Variants in DCDC2C observed in about 807,000 individuals in gnomAD.
The protein encoded by DCDC2C is doublecortin domain-containing protein 2C.
In DCDC2C, 44 loss-of-function variants were observed where a neutral mutation model predicts 45.0. The observed-to-expected ratio is 0.98, with a 90% CI of 0.77 to 1.26. The LOEUF is 1.26. Ranked by LOEUF, DCDC2C falls within the 50% of genes most tolerant of loss-of-function variation. The pLI is 0.00. For synonymous variants in DCDC2C, 187 were observed against 178.8 expected (o/e 1.05, Z -0.37); for missense variants, 447 against 468.9 (o/e 0.95, Z 0.43).
intron 4 of DCDC2C, among the ~76,000 whole-genome samples, chr2:3,745,216 C>T (rs1197680742): frequency 6.6e-6 from 1 of 152,120 alleles, no homozygotes; most frequent in African/African-American, 2.4e-5. Context: ...GAACTCCTGA[C>T]CTCAGGTGAT....
intron 10 of DCDC2C, among the ~76,000 whole-genome samples, chr2:3,804,300 A>C (rs1572630603): frequency 6.6e-6 from 1 of 152,206 alleles, no homozygotes; most frequent in East Asian, 1.9e-4. Flanking sequence ...CTCTATTTTT[A>C]GAAAAGAGCT....
At chr2:3,760,597 A>G (rs1401429397) in intron 6 of DCDC2C, among the ~76,000 whole-genome samples, 1 of 152,130 alleles carries the variant, frequency 6.6e-6, no homozygotes, top group East Asian at 1.9e-4. Context: ...CAAACACCAC[A>G]TGTTCTCACT....
At chr2:3,798,714 C>G (rs574450549) in intron 10 of DCDC2C, among the ~76,000 whole-genome samples, 132 of 150,310 alleles carry the variant, frequency 8.8e-4, no homozygotes, top group African/African-American at 3.2e-3. Context: ...TCTCTTCTGG[C>G]TTGTAGAGTT....
At chr2:3,742,993 G>GA (rs1669260277) in intron 4 of DCDC2C, among the ~76,000 whole-genome samples, 1 of 152,214 alleles carries the variant, frequency 6.6e-6, no homozygotes, top group Admixed American at 6.5e-5. Flanking sequence ...TGGTGGCTGT[G>GA]AAGATAATCT....
intron 6 of DCDC2C, among the ~76,000 whole-genome samples, chr2:3,757,636 A>C (rs1057474158): frequency 1.3e-5 from 2 of 152,180 alleles, no homozygotes; most frequent in Admixed American, 6.5e-5. Flanking sequence ...CATGCTAAGC[A>C]CACTCCGCTA....
At chr2:3,741,698 C>CCCCCCCCCCCG (rs1160807768) in intron 3 of DCDC2C, among the ~76,000 whole-genome samples, 1 of 151,820 alleles carries the variant, frequency 6.6e-6, no homozygotes, top group African/African-American at 2.4e-5. Context: ...CACACATACA[C>CCCCCCCCCCCG]ACACACACAT....
At chr2:3,847,012 T>TGCC in intron 10 of DCDC2C, 142 bp from the exon 11 acceptor site, 2 of 343,816 alleles carry the variant, frequency 5.8e-6, no homozygotes, top group Non-Finnish European at 1.0e-5. Flanking sequence ...AGGTCCCAGG[T>TGCC]CCCACCCCAC....
At chr2:3,817,649 T>C (rs1049298275) in intron 10 of DCDC2C, among the ~76,000 whole-genome samples, 8 of 152,210 alleles carry the variant, frequency 5.3e-5, no homozygotes, top group African/African-American at 1.9e-4. Context: ...TTAAGTTGTT[T>C]GGACAGAAAG....
rs774262991 is a variant in DCDC2C, at chr2:3,742,044, C to T, written c.541C>T (p.Arg181Trp). ...GEKVFPLGGV[R>W]KLFTMNGHLL... The stretch of plus-strand genomic sequence containing the variant: ...AAAAGTCTTCCCTCTAGGAGGCGTT[C>T]GGAAGTAAGGAGACTCTCGCCTTTA... The change falls in exon 4 of 11, where the codon CGG becomes TGG. Residue 181 changes from arginine to tryptophan, a missense_variant. Physicochemically the swap from Arg to Trp is moderately radical, Grantham distance 101 (BLOSUM62 -3). Coordinates refer to ENST00000399143, the MANE Select transcript of DCDC2C (RefSeq NM_001287444.2). 40 of 1,539,780 alleles carry T rather than the reference C, an allele frequency of 2.6e-5. No homozygotes were observed. The highest frequency in any genetic ancestry group is 2.6e-5 in the Non-Finnish European group (30 of 1,142,848).
chr2:3,750,552 A>G (rs1358305223), intron 4 of DCDC2C, among the ~76,000 whole-genome samples: 1 of 151,970 alleles, frequency 6.6e-6, no homozygotes, highest in Non-Finnish European at 1.5e-5. Context: ...CTAGATTTTG[A>G]AAATATCACC....
chr2:3,764,572 G>T (rs1317561936), intron 6 of DCDC2C, among the ~76,000 whole-genome samples: 2 of 152,232 alleles, frequency 1.3e-5, no homozygotes, highest in African/African-American at 4.8e-5. Flanking sequence ...GGTGTGCCAT[G>T]ATTGTGAGAC....
intron 10 of DCDC2C, among the ~76,000 whole-genome samples, chr2:3,829,284 CTTT>C (rs5828893): frequency 1.0e-4 from 13 of 129,564 alleles, no homozygotes; most frequent in Admixed American, 1.5e-4. Flanking sequence ...ATGTCTTTTT[CTTT>C]TTTTTTTTTT....
chr2:3,826,475 T>G (rs1294960863), intron 10 of DCDC2C, among the ~76,000 whole-genome samples: 2 of 152,284 alleles, frequency 1.3e-5, no homozygotes, highest in East Asian at 3.9e-4. Flanking sequence ...TGTAAAAATC[T>G]TTTGTAGGTA....
chr2:3,758,903 G>A (rs529108256), intron 6 of DCDC2C, among the ~76,000 whole-genome samples: 1 of 152,192 alleles, frequency 6.6e-6, no homozygotes. Flanking sequence ...GATTTCAGGA[G>A]GTGGAGAAAT....
chr2:3,774,418 C>G (rs57677595), intron 8 of DCDC2C, among the ~76,000 whole-genome samples: 3 of 152,056 alleles, frequency 2.0e-5, no homozygotes, highest in Admixed American at 6.5e-5. Flanking sequence ...CCTCGAGCCT[C>G]GGGGAGTGGC....
chr2:3,738,835 G>C (rs1359769703), intron 3 of DCDC2C, among the ~76,000 whole-genome samples: 1 of 152,200 alleles, frequency 6.6e-6, no homozygotes, highest in Non-Finnish European at 1.5e-5. Context: ...TTATTTACCA[G>C]TGATGGGATT....
At chr2:3,808,036 C>T (rs1671297696) in intron 10 of DCDC2C, among the ~76,000 whole-genome samples, 1 of 152,084 alleles carries the variant, frequency 6.6e-6, no homozygotes, top group South Asian at 2.1e-4. Context: ...TTGTGTAATA[C>T]CTAAGAGTGG....
intron 10 of DCDC2C, among the ~76,000 whole-genome samples, chr2:3,831,559 G>A (rs1330023544): frequency 1.3e-5 from 2 of 152,150 alleles, no homozygotes; most frequent in African/African-American, 4.8e-5. Flanking sequence ...TTGGACATGT[G>A]GCCTTTTGTT....
rs1671599027 is a variant in DCDC2C at position 3,818,124 on chromosome 2, G to T, written c.1066-29030G>T. 6.6e-6 allele frequency among the ~76,000 whole-genome samples: 1 copy of T among 152,172 alleles called. No individual in the cohort carries two copies. Among genetic ancestry groups the T allele is most frequent in the South Asian group, 2.1e-4 (1 of 4,828 alleles). ...TGTTGGAAGAGCAGGAGGGTGTCCT[G>T]TTGGGAAGATTTGTAGGAGGGGCTA... On this transcript the variant is annotated intron_variant, in intron 10 of 10. Transcript: ENST00000399143. The surrounding 1 kb of genome is among the most constrained non-coding windows in gnomAD (Gnocchi z 4.7).
Sources: gnomAD v4.1 joint callset for allele counts (sites outside exome capture counted in the v4.1 genomes callset) on GRCh38, gnomAD v4.1.1 for gene constraint, Gnocchi (gnomAD v3.1) non-coding constraint, MANE v1.5 for transcripts, NCBI Gene and HGNC (gene_info 2026-07-23, HGNC 2026-07-21) for gene names.